The following TNRC18 variants were observed in gnomAD, a reference collection of about 807,000 sequenced individuals.
TNRC18 encodes trinucleotide repeat-containing gene 18 protein.
TNRC18 carries 69 observed loss-of-function variants against 226.7 expected under a neutral mutation model. That is an observed-to-expected ratio of 0.30 (90% CI 0.25 to 0.37). The LOEUF is 0.37. Among genes scored for constraint, TNRC18 ranks in the 10% least tolerant of loss-of-function variants. The pLI, the probability that TNRC18 is intolerant of heterozygous loss-of-function variation, is 1.00. For missense variants in TNRC18, 4,754 were observed against 4,256.6 expected (o/e 1.12, Z -3.25); for synonymous variants, 2,449 against 1,927.6 (o/e 1.27, Z -7.09).
At chr7:5,417,662 A>T (rs1026442299) in intron 2 of TNRC18, among the ~76,000 whole-genome samples, 2 of 152,176 alleles carry the variant, frequency 1.3e-5, no homozygotes, top group African/African-American at 4.8e-5. Flanking sequence ...TGAGTAAATG[A>T]GCAAGTGAGG....
At chr7:5,371,808 C>T (rs936585552) in intron 10 of TNRC18, among the ~76,000 whole-genome samples, 6 of 151,676 alleles carry the variant, frequency 4.0e-5, no homozygotes, top group South Asian at 2.1e-4. Context: ...TGGTGGGCCA[C>T]GCCTGTAATC....
intron 2 of TNRC18, among the ~76,000 whole-genome samples, chr7:5,406,549 G>C (rs1008596715): frequency 1.3e-5 from 2 of 150,968 alleles, no homozygotes; most frequent in African/African-American, 4.9e-5. Flanking sequence ...CATTCACAGA[G>C]ACAGAAAGCA....
Position 5,394,639 on chromosome 7 carries a change from A to C in TNRC18, c.188-44T>G, listed in dbSNP as rs1780539896. On this transcript the variant is annotated intron_variant, in intron 2 of 29. Transcript: ENST00000430969. This position sits in a 1 kb window ranked among gnomAD's most constrained non-coding sequence, Gnocchi z 4.5. Reference sequence around the variant, plus strand: ...AGGACCGTCAGGCAGACAACCAGGGAGGCGCCGCCGCCCCAGCCCACCGCC... The same window carrying C: ...AGGACCGTCAGGCAGACAACCAGGGCGGCGCCGCCGCCCCAGCCCACCGCC... 6.7e-7 allele frequency: 1 copy of C among 1,483,708 alleles called. No homozygotes were observed. Among genetic ancestry groups the C allele is most frequent in the Non-Finnish European group, 9.1e-7 (1 of 1,102,098 alleles). 91.9% of individuals were successfully genotyped at this position (1,483,708 alleles called of 1,614,324 possible). A position where few individuals can be genotyped will look rare whatever the true frequency, so the allele number is the denominator to read the frequency against.
chr7:5,415,205 T>C (rs1562642121), intron 2 of TNRC18, among the ~76,000 whole-genome samples: 1 of 152,034 alleles, frequency 6.6e-6, no homozygotes, highest in African/African-American at 2.4e-5. Context: ...GCTCTGACTT[T>C]TGTGTTCCGT....
At chr7:5,383,578 G>A (rs1004891980) in intron 5 of TNRC18, among the ~76,000 whole-genome samples, 2 of 152,148 alleles carry the variant, frequency 1.3e-5, no homozygotes, top group Admixed American at 1.3e-4. Context: ...CAGAGGGCTC[G>A]CTCCAAAAAG....
At chr7:5,333,797 G>T (rs1388861540) in intron 18 of TNRC18, among the ~76,000 whole-genome samples, 1 of 152,182 alleles carries the variant, frequency 6.6e-6, no homozygotes, top group Non-Finnish European at 1.5e-5. Context: ...TCCTTCAGAA[G>T]GAGACCCACC....
At position 5,309,150 on chromosome 7, in the gene TNRC18, C is replaced by T. The variant is rs1360369256; in HGVS notation, c.8607G>A (p.Lys2869=). The T allele has an allele frequency of 3.1e-6, 5 of 1,610,514 alleles. No homozygotes were observed. Among genetic ancestry groups the T allele is most frequent in the African/African-American group, 2.7e-5 (2 of 74,846 alleles). Residue 2869 remains lysine, a synonymous_variant, in exon 28 of 30, where the codon AAG becomes AAA. Transcript: ENST00000430969. This position sits in a 1 kb window ranked among gnomAD's most constrained non-coding sequence, Gnocchi z 5.7. ...GGCTCACCTGGCCCTGGTGGAACTGCTTGCCCGGGCTGGTCTCCTCGGGGT... is the reference window on the plus strand; with the variant it reads ...GGCTCACCTGGCCCTGGTGGAACTGTTTGCCCGGGCTGGTCTCCTCGGGGT... ...FYHPEETSPG[K]QFHQGQHWDQ...
In TNRC18 at chr7:5,364,924, C is replaced by A. The variant is rs146865565; in HGVS notation, c.4220-2099G>T. Among the ~76,000 whole-genome samples the A allele has an allele frequency of 2.2e-3, 333 of 151,994 alleles. 2 individuals are homozygous for A. Among genetic ancestry groups the A allele is most frequent in the African/African-American group, 7.8e-3 (322 of 41,490 alleles). On this transcript the variant is annotated intron_variant, in intron 11 of 29. Transcript: ENST00000430969. The stretch of plus-strand genomic sequence containing the variant: ...CAAACATCTACCTCCTCATTATGAG[C>A]TTGGACCTTATAAAAACTGCCATCT...
Position 5,371,094 on chromosome 7 carries a change from T to C in TNRC18, c.3500A>G (p.Glu1167Gly). 6.2e-7 allele frequency: 1 copy of C among 1,612,212 alleles called. No homozygotes were observed. The highest frequency in any genetic ancestry group is 8.5e-7 in the Non-Finnish European group (1 of 1,179,662). Residue 1167 changes from glutamate (E) to glycine (G), a missense_variant, in exon 11 of 30, where the codon GAG (glutamate) becomes GGG (glycine). Coordinates refer to ENST00000430969, the MANE Select transcript of TNRC18 (RefSeq NM_001080495.3). Reference protein sequence around the residue: ...EVKAEVEDMDEGPTELPPLES... With the variant: ...EVKAEVEDMDGGPTELPPLES... ...CAGAGGCGGCAGCTCTGTGGGGCCC[T>C]CGTCCATGTCCTCCACCTCTGCCTT... is the stretch of plus-strand genomic sequence containing the variant.
intron 18 of TNRC18, among the ~76,000 whole-genome samples, chr7:5,336,861 G>C (rs1043408981): frequency 1.3e-5 from 2 of 152,228 alleles, no homozygotes; most frequent in African/African-American, 4.8e-5. Context: ...GAGTTTATGA[G>C]TTTGGGTGTG....
At chr7:5,361,784 C>G in intron 13 of TNRC18, 62 bp from the exon 14 acceptor site, 1 of 1,536,716 alleles carries the variant, frequency 6.5e-7, no homozygotes, top group South Asian at 1.2e-5. Context: ...GGAGAACGGG[C>G]ACACGATGCA....
Position 5,390,026 on chromosome 7 carries a change from G to A in TNRC18, c.487+459C>T, listed in dbSNP as rs537673437. The A allele has an allele frequency of 6.1e-5, 13 of 214,328 alleles. No homozygotes were observed. In the South Asian group the frequency reaches 2.1e-3, roughly 34 times the overall value. 13.3% of individuals were successfully genotyped at this position (214,328 alleles called of 1,614,324 possible). On this transcript the variant is annotated intron_variant, in intron 4 of 29. Transcript: ENST00000430969. ...GTGACCAGAAGGCACCCAGGGCTGT[G>A]GGTGGGCCCAAGGAGCCTGTGGGGG...
chr7:5,416,648 G>A (rs1782208087), intron 2 of TNRC18, among the ~76,000 whole-genome samples: 1 of 151,712 alleles, frequency 6.6e-6, no homozygotes, highest in African/African-American at 2.4e-5. Context: ...TTGAGGGCAG[G>A]AGTTTAAGAC....
At chr7:5,337,629 A>G (rs1361741480) in intron 18 of TNRC18, among the ~76,000 whole-genome samples, 1 of 152,222 alleles carries the variant, frequency 6.6e-6, no homozygotes, top group South Asian at 2.1e-4. Context: ...ATATCTGAAT[A>G]AATACAAAAG....
intron 24 of TNRC18, among the ~76,000 whole-genome samples, chr7:5,319,479 G>T (rs566384862): frequency 6.6e-6 from 1 of 152,208 alleles, no homozygotes; most frequent in African/African-American, 2.4e-5. Flanking sequence ...ATTTCCTAGG[G>T]TACCTGTTGT....
chr7:5,388,253 G>A lies in TNRC18; in HGVS notation c.1571C>T (p.Ala524Val), dbSNP rs374594397. 8.7e-6 allele frequency: 14 copies of A among 1,607,832 alleles called. No homozygotes were observed. In the African/African-American group the frequency reaches 1.7e-4, roughly 20 times the overall value. ...GTGGTGGTGCTGCGCGGCCAGCACG[G>A]CCATCTGCGTGGCGGCGAAGTTGCC... is the stretch of plus-strand genomic sequence containing the variant. Reference protein sequence around the residue: ...ELGNFAATQMAVLAAQHHHSR... With the variant: ...ELGNFAATQMVVLAAQHHHSR... Residue 524 changes from alanine (A) to valine (V), a missense_variant, in exon 5 of 30, where the codon GCC (alanine) becomes GTC (valine). Ala to Val is a moderately conservative substitution (Grantham distance 64, BLOSUM62 0). Transcript: ENST00000430969.
At chr7:5,382,700 G>T (rs184606774) in intron 5 of TNRC18, among the ~76,000 whole-genome samples, 5 of 152,116 alleles carry the variant, frequency 3.3e-5, no homozygotes, top group African/African-American at 1.2e-4. Flanking sequence ...CACCCTAGAG[G>T]TGATGGGCCA....
intron 27 of TNRC18, among the ~76,000 whole-genome samples, chr7:5,310,940 G>GTA (rs34636901): frequency 2.0e-5 from 3 of 151,790 alleles, no homozygotes; most frequent in African/African-American, 7.3e-5. Flanking sequence ...GTTCGTGTGT[G>GTA]CACGTGTTTG....
At chr7:5,378,626 G>A (rs1779176333) in intron 5 of TNRC18, among the ~76,000 whole-genome samples, 1 of 151,668 alleles carries the variant, frequency 6.6e-6, no homozygotes, top group African/African-American at 2.4e-5. Flanking sequence ...CACCGTGTTA[G>A]CCAGGATGGT....
Sources: allele counts gnomAD v4.1 joint callset (sites outside exome capture counted in the v4.1 genomes callset), GRCh38; gene constraint gnomAD v4.1.1; non-coding constraint Gnocchi (gnomAD v3.1); transcripts MANE v1.5; gene names NCBI Gene and HGNC (gene_info 2026-07-23, HGNC 2026-07-21).